RPF2: variants seen among roughly 807,000 people sequenced by gnomAD.
RPF2 encodes ribosome production factor 2 homolog, also known as brix domain containing 1.
In RPF2, 21 loss-of-function variants were observed where a neutral mutation model predicts 38.9. That is an observed-to-expected ratio of 0.54 (90% confidence interval 0.38 to 0.78). The LOEUF (loss-of-function observed/expected upper bound fraction) is 0.78, where lower values mean the gene tolerates loss of function less well. RPF2 is among the 30% of genes least tolerant of loss of function. RPF2 has a pLI of 0.00. For synonymous variants in RPF2, 121 were observed against 126.2 expected, an observed-to-expected ratio of 0.96 and a Z score of 0.28; for missense variants, 314 against 358.1, an observed-to-expected ratio of 0.88 and a Z score of 0.99.
intron 1 of RPF2, among the ~76,000 whole-genome samples, chr6:110,982,905 A>G (rs1373362371): frequency 6.6e-6 from 1 of 152,260 alleles, no homozygotes; most frequent in East Asian, 1.9e-4. Flanking sequence ...GGGAGCAGGC[A>G]GCTAATAAAA....
In RPF2 at chr6:110,997,179, A is replaced by G; in HGVS notation, c.235-4A>G. On this transcript the variant is annotated splice_polypyrimidine_tract_variant and splice_region_variant and intron_variant, in intron 4 of 9. Transcript: ENST00000441448. ...GACTAAATGGGATTTATTTGGTTTT[A>G]TAGGAATTCTTTTCAAAGAAGTCAG... 1 of 1,554,486 alleles carries G rather than the reference A, an allele frequency of 6.4e-7. No homozygotes were observed. The highest frequency in any genetic ancestry group is 8.9e-7 in the Non-Finnish European group (1 of 1,128,688).
rs750471844 is a variant in RPF2, at chr6:111,025,610, A to G, written c.*28A>G. ...GAACTTAGCCAGCCACTACTGTTTCATTGTGTTCTACTTAAGAGAATTATC... is the reference window on the plus strand; with the variant it reads ...GAACTTAGCCAGCCACTACTGTTTCGTTGTGTTCTACTTAAGAGAATTATC... On this transcript the variant is annotated 3_prime_UTR_variant, in exon 10 of 10. Coordinates refer to ENST00000441448, the MANE Select transcript of RPF2 (RefSeq NM_032194.3). 6.5e-7 allele frequency: 1 copy of G among 1,547,050 alleles called. No homozygotes were observed. Among genetic ancestry groups the G allele is most frequent in the Non-Finnish European group, 8.8e-7 (1 of 1,133,590 alleles).
chr6:110,987,289 C>A (rs1389003010), intron 2 of RPF2, among the ~76,000 whole-genome samples: 1 of 152,154 alleles, frequency 6.6e-6, no homozygotes. Flanking sequence ...AAACTCCTGA[C>A]CTGACATGAT....
At chr6:110,984,618 T>G (rs924951634) in intron 1 of RPF2, among the ~76,000 whole-genome samples, 1 of 152,156 alleles carries the variant, frequency 6.6e-6, no homozygotes, top group Admixed American at 6.5e-5. Flanking sequence ...GGTGAGCGGA[T>G]CACCTGAGGT....
chr6:111,017,787 C>T (rs1293616641), intron 8 of RPF2, among the ~76,000 whole-genome samples: 4 of 150,576 alleles, frequency 2.7e-5, no homozygotes, highest in South Asian at 2.1e-4. Context: ...CAGGCAGAGA[C>T]GCTCCTCACT....
chr6:110,986,223 A>G (rs1254914824), intron 2 of RPF2, among the ~76,000 whole-genome samples: 1 of 152,170 alleles, frequency 6.6e-6, no homozygotes, highest in East Asian at 1.9e-4. Flanking sequence ...TCTAATCTGA[A>G]AGCTCCGTGT....
Position 111,025,613 on chromosome 6 carries a change from G to A in RPF2, c.*31G>A, listed in dbSNP as rs1031152618. 2.0e-6 allele frequency: 3 copies of A among 1,533,628 alleles called. No homozygotes were observed. Among genetic ancestry groups the A allele is most frequent in the Non-Finnish European group, 2.7e-6 (3 of 1,123,610 alleles). The stretch of plus-strand genomic sequence containing the variant: ...CTTAGCCAGCCACTACTGTTTCATT[G>A]TGTTCTACTTAAGAGAATTATCAAG... On this transcript the variant is annotated 3_prime_UTR_variant, in exon 10 of 10. Transcript: ENST00000441448.
At chr6:110,995,371 T>G (rs1158945525) in intron 4 of RPF2, among the ~76,000 whole-genome samples, 2 of 152,176 alleles carry the variant, frequency 1.3e-5, no homozygotes, top group Non-Finnish European at 2.9e-5. Context: ...TCCAGATATT[T>G]AGTGGCAGAG....
intron 8 of RPF2, among the ~76,000 whole-genome samples, chr6:111,019,205 C>T (rs1200696670): frequency 6.6e-6 from 1 of 152,148 alleles, no homozygotes; most frequent in African/African-American, 2.4e-5. Flanking sequence ...TGGAGAAACC[C>T]TGTCTCTATT....
At chr6:111,024,763 A>G (rs1262483181) in intron 9 of RPF2, among the ~76,000 whole-genome samples, 1 of 151,994 alleles carries the variant, frequency 6.6e-6, no homozygotes, top group African/African-American at 2.4e-5. Flanking sequence ...AGATTAAACT[A>G]GGACTCACAG....
At chr6:110,983,588 C>T (rs999044491) in intron 1 of RPF2, among the ~76,000 whole-genome samples, 1 of 152,136 alleles carries the variant, frequency 6.6e-6, no homozygotes, top group African/African-American at 2.4e-5. Flanking sequence ...AGTGATCCAT[C>T]CACCTTGGCC....
intron 7 of RPF2, among the ~76,000 whole-genome samples, chr6:111,011,849 A>G (rs1431838744): frequency 6.6e-6 from 1 of 152,156 alleles, no homozygotes; most frequent in Admixed American, 6.5e-5. Flanking sequence ...GAATGATCAC[A>G]TAATGCAGTG....
intron 6 of RPF2, among the ~76,000 whole-genome samples, chr6:111,003,381 A>T (rs1771847759): frequency 6.7e-6 from 1 of 149,092 alleles, no homozygotes. Context: ...ACATGCGCCT[A>T]CCTGGTTCAA....
rs1331496204 is a variant in RPF2 at position 110,999,750 on chromosome 6, T to C, written c.356T>C (p.Leu119Ser). ...TACCATGTGCTGGATATGATTGAAT[T>C]AGGTATTGAGAATTTTGTCTCTCTA... ...YDYHVLDMIELGIENFVSLKD... is the reference protein window; with the variant it reads ...YDYHVLDMIESGIENFVSLKD... The change falls in exon 6 of 10, where the codon TTA becomes TCA. Residue 119 changes from leucine (L) to serine (S), a missense_variant. Physicochemically the swap from Leu to Ser is moderately radical, Grantham distance 145. Transcript: ENST00000441448. 2 of 1,601,622 alleles carry C rather than the reference T, an allele frequency of 1.2e-6. No individual in the cohort carries two copies. Among genetic ancestry groups the C allele is most frequent in the Non-Finnish European group, 8.6e-7 (1 of 1,168,940 alleles).
At chr6:111,018,569 C>T (rs1218983086) in intron 8 of RPF2, among the ~76,000 whole-genome samples, 1 of 152,132 alleles carries the variant, frequency 6.6e-6, no homozygotes, top group Non-Finnish European at 1.5e-5. Flanking sequence ...TATGAATGTC[C>T]AAATGAAACT....
chr6:110,995,150 C>T (rs1771690470), intron 4 of RPF2, among the ~76,000 whole-genome samples: 1 of 152,086 alleles, frequency 6.6e-6, no homozygotes, highest in African/African-American at 2.4e-5. Flanking sequence ...TGCAATGCAC[C>T]CACCTCAGCC....
Position 111,027,852 on chromosome 6 carries a change from T to A in RPF2, c.*2270T>A, listed in dbSNP as rs749057250. The A allele has an allele frequency of 3.3e-5, 5 of 152,236 alleles. No homozygotes were observed. Among genetic ancestry groups the A allele is most frequent in the Non-Finnish European group, 5.9e-5 (4 of 68,042 alleles). The allele number at this position is 152,236 out of a possible 1,614,324, so 9.4% of individuals were successfully genotyped here. A position where few individuals can be genotyped will look rare whatever the true frequency, so the allele number is the denominator to read the frequency against. On this transcript the variant is annotated 3_prime_UTR_variant, in exon 10 of 10. Transcript: ENST00000441448. Reference sequence around the variant, plus strand: ...TTTTTGTTGAGAACACCTTGTAGTGTTGTACTATCTGGAACTCTTGAGCTG... The same window carrying A: ...TTTTTGTTGAGAACACCTTGTAGTGATGTACTATCTGGAACTCTTGAGCTG...
chr6:111,006,263 A>G (rs1264591859), intron 6 of RPF2, among the ~76,000 whole-genome samples: 2 of 151,454 alleles, frequency 1.3e-5, no homozygotes, highest in South Asian at 2.1e-4. Context: ...TTGAGATGGC[A>G]TCTCGCTCTC....
chr6:111,012,161 C>CTTTT (rs1303897053), intron 7 of RPF2, among the ~76,000 whole-genome samples: 9 of 124,610 alleles, frequency 7.2e-5, no homozygotes, highest in East Asian at 8.4e-4. Flanking sequence ...TTGTTTACAT[C>CTTTT]ATTTTTTTTT....
Sources: allele counts gnomAD v4.1 joint callset (sites outside exome capture counted in the v4.1 genomes callset), GRCh38; gene constraint gnomAD v4.1.1; transcripts MANE v1.5; gene names NCBI Gene and HGNC (gene_info 2026-07-23, HGNC 2026-07-21).